The following GCNT1 variants were observed in gnomAD, a reference collection of about 807,000 sequenced individuals.
GCNT1 encodes the protein beta-1,3-galactosyl-O-glycosyl-glycoprotein beta-1,6-N-acetylglucosaminyltransferase.
GCNT1 carries 16 observed loss-of-function variants against 26.2 expected under a neutral mutation model. The observed-to-expected ratio is 0.61, with a 90% CI of 0.41 to 0.93. The LOEUF (loss-of-function observed/expected upper bound fraction) is 0.93. Among genes scored for constraint, GCNT1 ranks in the 40% least tolerant of loss-of-function variants. The pLI is 0.00. For missense variants in GCNT1, 477 were observed against 526.7 expected, an observed-to-expected ratio of 0.91 and a Z score of 0.92; for synonymous variants, 183 against 190.8, an observed-to-expected ratio of 0.96 and a Z score of 0.34.
intron 2 of GCNT1, among the ~76,000 whole-genome samples, chr9:76,477,633 A>G (rs1406792975): frequency 6.6e-6 from 1 of 152,190 alleles, no homozygotes; most frequent in Non-Finnish European, 1.5e-5. Context: ...TTTTAAAATC[A>G]TAACAAAGAG....
intron 2 of GCNT1, among the ~76,000 whole-genome samples, chr9:76,477,315 C>T (rs1022551960): frequency 6.6e-6 from 1 of 151,564 alleles, no homozygotes; most frequent in Non-Finnish European, 1.5e-5. Flanking sequence ...ATCACGAGGT[C>T]AGGAGTTTGA....
At chr9:76,394,682 GA>G in the GCNT1 span, among the ~76,000 whole-genome samples, 1 of 152,146 alleles carries the variant, frequency 6.6e-6, no homozygotes, top group Admixed American at 6.5e-5. Flanking sequence ...AACTAATGTG[GA>G]AACCCCGTTT....
chr9:76,469,333 C>G (rs934978101), intron 2 of GCNT1, among the ~76,000 whole-genome samples: 1 of 152,164 alleles, frequency 6.6e-6, no homozygotes, highest in Non-Finnish European at 1.5e-5. Flanking sequence ...TGCAACTTAG[C>G]TCACACCCGA....
intron 1 of GCNT1, among the ~76,000 whole-genome samples, chr9:76,421,887 T>C (rs1823201646): frequency 6.6e-6 from 1 of 151,520 alleles, no homozygotes; most frequent in African/African-American, 2.4e-5. Flanking sequence ...AGAGCCAGGG[T>C]TTTACCGTTA....
the GCNT1 span, chr9:76,394,027 C>CT: frequency 6.8e-4 from 1,007 of 1,488,300 alleles, 1 homozygote; most frequent in Non-Finnish European, 8.5e-4. Context: ...AAGTCCCCGG[C>CT]TGCCGTCTCT....
At chr9:76,404,609 C>A in the GCNT1 span, among the ~76,000 whole-genome samples, 5 of 152,276 alleles carry the variant, frequency 3.3e-5, no homozygotes, top group Admixed American at 2.6e-4. Flanking sequence ...TTACAGAGAA[C>A]TGTAGCAACT....
chr9:76,435,838 G>T (rs1387710066), intron 1 of GCNT1, among the ~76,000 whole-genome samples: 3 of 151,892 alleles, frequency 2.0e-5, no homozygotes, highest in African/African-American at 7.2e-5. Flanking sequence ...GTGGAAAAGA[G>T]TCCTAAGATT....
rs541830178 is a variant in GCNT1 at position 76,486,555 on chromosome 9, G to T, written c.-289-14361G>T. On this transcript the variant is annotated intron_variant, in intron 2 of 3. Coordinates refer to ENST00000376730, the MANE Select transcript of GCNT1 (RefSeq NM_001490.5). ...CAGCTTTCCCCATAGCCTGCTTTAG[G>T]ATTCAGCTTCCTGAGATCTCCAAGT... 1.6e-4 allele frequency among the ~76,000 whole-genome samples: 24 copies of T among 152,268 alleles called. 1 individual carries two copies. Among genetic ancestry groups the T allele is most frequent in the South Asian group, 6.2e-4 (3 of 4,820 alleles).
intron 2 of GCNT1, among the ~76,000 whole-genome samples, chr9:76,496,180 A>G (rs1824903034): frequency 6.6e-6 from 1 of 152,208 alleles, no homozygotes; most frequent in African/African-American, 2.4e-5. Context: ...TGTGCCCTGG[A>G]AGGGAGAGCC....
the GCNT1 span, chr9:76,394,323 C>T: frequency 1.6e-6 from 1 of 640,796 alleles, no homozygotes; most frequent in Non-Finnish European, 2.5e-6. Context: ...CGACGCCGAC[C>T]ACAGGCCACT....
At chr9:76,495,595 G>A (rs950018716) in intron 2 of GCNT1, among the ~76,000 whole-genome samples, 4 of 152,132 alleles carry the variant, frequency 2.6e-5, no homozygotes, top group Non-Finnish European at 4.4e-5. Flanking sequence ...GTGCTGATTG[G>A]TCCATTTTTA....
chr9:76,429,160 G>A (rs1371705902), intron 1 of GCNT1, among the ~76,000 whole-genome samples: 1 of 152,086 alleles, frequency 6.6e-6, no homozygotes, highest in Non-Finnish European at 1.5e-5. Flanking sequence ...GTGACATAAT[G>A]TTCCATTATA....
the GCNT1 span, among the ~76,000 whole-genome samples, chr9:76,402,833 C>G: frequency 6.6e-6 from 1 of 152,176 alleles, no homozygotes; most frequent in Admixed American, 6.5e-5. Context: ...GCACGCGCCA[C>G]CACGCCCGGC....
the GCNT1 span, among the ~76,000 whole-genome samples, chr9:76,404,102 G>A: frequency 5.9e-5 from 9 of 152,142 alleles, no homozygotes; most frequent in African/African-American, 1.2e-4. Context: ...CATGACAGCC[G>A]TCTGTCTTAT....
intron 2 of GCNT1, among the ~76,000 whole-genome samples, chr9:76,473,639 A>C (rs752259317): frequency 6.6e-5 from 10 of 152,224 alleles, no homozygotes; most frequent in Non-Finnish European, 1.2e-4. Context: ...AAAGTTAATT[A>C]GTTTTTTAAA....
chr9:76,485,818 C>T (rs1006072512), intron 2 of GCNT1, among the ~76,000 whole-genome samples: 4 of 152,042 alleles, frequency 2.6e-5, no homozygotes, highest in South Asian at 2.1e-4. Context: ...TTGCAACCTC[C>T]GCCTCCCAGG....
At chr9:76,495,332 C>T (rs570773480) in intron 2 of GCNT1, among the ~76,000 whole-genome samples, 155 of 152,274 alleles carry the variant, frequency 1.0e-3, no homozygotes, top group Middle Eastern at 6.8e-3. Context: ...CATGGTCTCG[C>T]TGACTTCATG....
At chr9:76,411,323 T>A in the GCNT1 span, among the ~76,000 whole-genome samples, 2 of 152,148 alleles carry the variant, frequency 1.3e-5, no homozygotes, top group African/African-American at 4.8e-5. Context: ...TGTTTGTTTT[T>A]GAAATTTTTT....
intron 1 of GCNT1, among the ~76,000 whole-genome samples, chr9:76,450,398 T>G (rs1305264596): frequency 6.6e-6 from 1 of 152,240 alleles, no homozygotes; most frequent in Admixed American, 6.5e-5. Flanking sequence ...TTACAGTGTT[T>G]CGATTCTGAA....
Sources: allele counts gnomAD v4.1 joint callset (sites outside exome capture counted in the v4.1 genomes callset), GRCh38; gene constraint gnomAD v4.1.1; transcripts MANE v1.5; gene names NCBI Gene and HGNC (gene_info 2026-07-23, HGNC 2026-07-21).